RP1: variants seen among roughly 807,000 people sequenced by gnomAD.
RP1 encodes the protein RP1 axonemal microtubule associated.
Under a neutral mutation model 14.8 loss-of-function variants are expected in RP1, and 16 were observed. The ratio of observed to expected loss-of-function variants is 1.08; its 90% CI spans 0.73 to 1.65. The LOEUF (loss-of-function observed/expected upper bound fraction) is 1.65, where lower values mean the gene tolerates loss of function less well. Ranked by LOEUF, RP1 falls within the 40% of genes most tolerant of loss-of-function variation. The probability of loss-of-function intolerance (pLI) is 0.00; values close to 1 mark genes in which losing one functional copy is unlikely to be tolerated. For synonymous variants in RP1, 876 were observed against 883.6 expected (o/e 0.99, Z 0.15); for missense variants, 2,631 against 2,535.0 (o/e 1.04, Z -0.81).
chr8:54,778,544 C>T (rs1048885964), intron 23 of RP1, among the ~76,000 whole-genome samples: 3 of 151,900 alleles, frequency 2.0e-5, no homozygotes, highest in South Asian at 4.1e-4. Context: ...AGGCTGGTCT[C>T]GAACTCCTGA....
intron 14 of RP1, among the ~76,000 whole-genome samples, chr8:54,701,928 A>C (rs919053855): frequency 6.6e-6 from 1 of 152,166 alleles, no homozygotes; most frequent in Non-Finnish European, 1.5e-5. Context: ...TTCTTAATAA[A>C]AAGTTAGAGA....
At chr8:54,655,476 T>C (rs1806736093) in intron 5 of RP1, among the ~76,000 whole-genome samples, 2 of 152,232 alleles carry the variant, frequency 1.3e-5, no homozygotes, top group African/African-American at 4.8e-5. Flanking sequence ...GCTTGAGTTT[T>C]GTTCATTGCT....
chr8:54,836,789 T>C (rs1451549640), intron 24 of RP1, among the ~76,000 whole-genome samples: 1 of 152,192 alleles, frequency 6.6e-6, no homozygotes, highest in Non-Finnish European at 1.5e-5. Context: ...ATGGGTCTTA[T>C]TTCAAGTAAT....
intron 1 of RP1, among the ~76,000 whole-genome samples, chr8:54,565,643 C>G (rs1043875237): frequency 8.5e-5 from 13 of 152,068 alleles, no homozygotes; most frequent in Non-Finnish European, 1.3e-4. Context: ...TCATCAATAG[C>G]CCACATGTGG....
intron 24 of RP1, among the ~76,000 whole-genome samples, chr8:54,823,216 T>A (rs1437849758): frequency 1.3e-5 from 2 of 152,230 alleles, no homozygotes; most frequent in African/African-American, 2.4e-5. Context: ...ACCTCCACCC[T>A]GCCTACTATC....
intron 15 of RP1, among the ~76,000 whole-genome samples, chr8:54,715,090 G>C (rs1393715903): frequency 6.6e-6 from 1 of 152,228 alleles, no homozygotes; most frequent in Non-Finnish European, 1.5e-5. Flanking sequence ...TGACGTTTTG[G>C]TAAGTGCTTG....
At chr8:54,574,123 G>A (rs1214288923) in intron 1 of RP1, among the ~76,000 whole-genome samples, 2 of 152,144 alleles carry the variant, frequency 1.3e-5, no homozygotes, top group African/African-American at 4.8e-5. Flanking sequence ...AGGAGGATTG[G>A]AAAAAGTCCT....
chr8:54,628,364 C>A lies in RP1; in HGVS notation c.4482C>A (p.Ile1494=), dbSNP rs779152108. 57 of 1,613,454 alleles carry A rather than the reference C, an allele frequency of 3.5e-5. No homozygotes were observed. Among genetic ancestry groups the A allele is most frequent in the Non-Finnish European group, 4.7e-5 (56 of 1,179,800 alleles). ...NGGEQATEEL[I]QEEVEASKTL... ...GAGAGCAAGCCACTGAAGAATTAAT[C>A]CAAGAAGAGGTAGAGGCTAGTAAAA... The change falls in exon 4 of 4, where the codon ATC becomes ATA. Residue 1494 remains isoleucine, a synonymous_variant. Coordinates refer to ENST00000220676, the MANE Select transcript of RP1 (RefSeq NM_006269.2).
intron 6 of RP1, among the ~76,000 whole-genome samples, chr8:54,656,786 C>T (rs114400752): frequency 5.3e-5 from 8 of 149,834 alleles, no homozygotes; most frequent in African/African-American, 1.5e-4. Context: ...GTCTGCTGGC[C>T]TCTGCCTTGG....
chr8:54,579,866 G>T (rs536322635), intron 1 of RP1, among the ~76,000 whole-genome samples: 1 of 152,290 alleles, frequency 6.6e-6, no homozygotes, highest in Admixed American at 6.5e-5. Flanking sequence ...ACGGGTAACT[G>T]CAATGTTCAC....
chr8:54,737,000 A>G (rs1808948437), intron 18 of RP1, among the ~76,000 whole-genome samples: 1 of 152,066 alleles, frequency 6.6e-6, no homozygotes, highest in African/African-American at 2.4e-5. Context: ...GTTCCTTTTC[A>G]TTGGCATCAT....
rs1204020146 is a variant in RP1, at chr8:54,670,551, A to ATG, written c.1324-3297_1324-3296dup. On this transcript the variant is annotated intron_variant, in intron 7 of 22. Transcript: ENST00000636932. ...TATATATACATATATATGTATGTAT[A>ATG]TGTATATATATACATATATATGTAT... Among the ~76,000 whole-genome samples the ATG allele has an allele frequency of 5.3e-5, 6 of 113,410 alleles. 2 individuals are homozygous for ATG. The highest frequency in any genetic ancestry group is 1.9e-4 in the African/African-American group (6 of 31,102). The allele number at this position is 113,410 out of a possible 152,430, so 74.4% of individuals were successfully genotyped here. A position where few individuals can be genotyped will look rare whatever the true frequency, so the allele number is the denominator to read the frequency against.
At chr8:54,822,785 G>C (rs953850659) in intron 24 of RP1, among the ~76,000 whole-genome samples, 4 of 152,160 alleles carry the variant, frequency 2.6e-5, no homozygotes, top group Admixed American at 2.6e-4. Context: ...AGAGTTCACC[G>C]TGTGTCCCAA....
At chr8:54,717,021 T>C (rs537870080) in intron 15 of RP1, among the ~76,000 whole-genome samples, 87 of 152,288 alleles carry the variant, frequency 5.7e-4, no homozygotes, top group African/African-American at 2.0e-3. Flanking sequence ...GCCCCTCCTT[T>C]CAGAATCGGA....
At chr8:54,853,932 G>A (rs1301771745) in intron 26 of RP1, among the ~76,000 whole-genome samples, 1 of 141,190 alleles carries the variant, frequency 7.1e-6, no homozygotes, top group East Asian at 2.1e-4. Context: ...AAGGGAGAGA[G>A]AGAGAAAGGA....
intron 1 of RP1, among the ~76,000 whole-genome samples, chr8:54,610,368 CCAA>C (rs1278025564): frequency 6.6e-6 from 1 of 152,128 alleles, no homozygotes; most frequent in African/African-American, 2.4e-5. Flanking sequence ...TGATCTTGCA[CCAA>C]TTCTCTTCTC....
At chr8:54,636,373 G>C (rs1300531555) in intron 3 of RP1, among the ~76,000 whole-genome samples, 1 of 152,180 alleles carries the variant, frequency 6.6e-6, no homozygotes, top group Non-Finnish European at 1.5e-5. Context: ...TTCTGGCAAG[G>C]GCAAGGCTGG....
intron 1 of RP1, among the ~76,000 whole-genome samples, chr8:54,590,825 T>A (rs1047229573): frequency 9.2e-5 from 14 of 152,194 alleles, no homozygotes; most frequent in African/African-American, 3.4e-4. Flanking sequence ...ACCACCATTT[T>A]GAAATCCACA....
chr8:54,747,302 A>G (rs1411214661), intron 19 of RP1, among the ~76,000 whole-genome samples: 1 of 152,156 alleles, frequency 6.6e-6, no homozygotes, highest in Non-Finnish European at 1.5e-5. Flanking sequence ...CATGCTGTGG[A>G]AGCCACACTG....
Sources: gnomAD v4.1 joint callset for allele counts (sites outside exome capture counted in the v4.1 genomes callset) on GRCh38, gnomAD v4.1.1 for gene constraint, MANE v1.5 for transcripts, NCBI Gene and HGNC (gene_info 2026-07-23, HGNC 2026-07-21) for gene names.